Variants in ADPRHL1 observed in about 807,000 individuals in gnomAD.
ADPRHL1 encodes inactive ADP-ribosyltransferase ARH2.
A neutral mutation model predicts 44.1 loss-of-function variants in ADPRHL1; 43 were observed. The ratio of observed to expected loss-of-function variants is 0.98; its 90% CI spans 0.76 to 1.26. The LOEUF is 1.26. Among genes scored for constraint, ADPRHL1 ranks in the 50% most tolerant of loss-of-function variants. ADPRHL1 has a pLI of 0.00. For missense variants in ADPRHL1, 2,022 were observed against 2,496.9 expected (o/e 0.81, Z 4.05); for synonymous variants, 878 against 1,017.4 (o/e 0.86, Z 2.61).
rs1157229689 is a variant in ADPRHL1, at chr13:113,404,339, G to GCCCCTTTCTGGGCCTGACCCTGAA, written c.4919_4942dup (p.Val1640_Gly1647dup). On this transcript the variant is annotated inframe_insertion, in exon 8 of 8. Transcript: ENST00000612156. ...AGCCTGTTCCTGGGCCCGTTCCTGA[G>GCCCCTTTCTGGGCCTGACCCTGAA]CCCCTTTCTGGGCCTGACCCTGAAC... 11 of 1,326,508 alleles carry GCCCCTTTCTGGGCCTGACCCTGAA rather than the reference G, an allele frequency of 8.3e-6. No homozygotes were observed. Among genetic ancestry groups the GCCCCTTTCTGGGCCTGACCCTGAA allele is most frequent in the Non-Finnish European group, 6.7e-6 (7 of 1,046,548 alleles). 82.2% of individuals were successfully genotyped at this position (1,326,508 alleles called of 1,614,324 possible).
chr13:113,406,187 C>T lies in ADPRHL1; in HGVS notation c.3095G>A (p.Gly1032Glu), dbSNP rs2043807183. 2 of 1,232,060 alleles carry T rather than the reference C, an allele frequency of 1.6e-6. No individual in the cohort carries two copies. The highest frequency in any genetic ancestry group is 4.1e-5 in the South Asian group (1 of 24,322). 76.3% of individuals were successfully genotyped at this position (1,232,060 alleles called of 1,614,324 possible). ...CGTGGGGGCTCCTGTTGGGTTTCTCCCAGTCGGGGACGGCACTTGCTGGCT... is the reference window on the plus strand; with the variant it reads ...CGTGGGGGCTCCTGTTGGGTTTCTCTCAGTCGGGGACGGCACTTGCTGGCT... ...SSSQQVPSPTGRNPTGAPTSL... is the reference protein window; with the variant it reads ...SSSQQVPSPTERNPTGAPTSL... Residue 1032 changes from glycine (G) to glutamate (E), a missense_variant, in exon 8 of 8, where the codon GGG becomes GAG. Coordinates refer to ENST00000612156, the MANE Select transcript of ADPRHL1 (RefSeq NM_001394807.1).
chr13:113,417,525 G>A lies in ADPRHL1; in HGVS notation c.1061+5301C>T, dbSNP rs963950303. Among the ~76,000 whole-genome samples the A allele has an allele frequency of 2.0e-5, 3 of 151,762 alleles. No homozygotes were observed. The South Asian group carries it at 6.3e-4, about 32-fold the overall frequency. The stretch of plus-strand genomic sequence containing the variant: ...TGTCTGTCTGTCCCAGATCAGGCGC[G>A]GTCCCTGCCTTTGTCTGTCTGTCCC... On this transcript the variant is annotated intron_variant, in intron 7 of 7. Coordinates refer to ENST00000612156, the MANE Select transcript of ADPRHL1 (RefSeq NM_001394807.1).
rs562356836 is a variant in ADPRHL1, at chr13:113,401,356, C to T, written c.*2022G>A. On this transcript the variant is annotated 3_prime_UTR_variant, in exon 8 of 8. Coordinates refer to ENST00000612156, the MANE Select transcript of ADPRHL1 (RefSeq NM_001394807.1). The surrounding 1 kb of genome is among the most constrained non-coding windows in gnomAD (Gnocchi z 5.5). ...AGGGACTCTGGAGGTCCGTGTGCTT[C>T]GTGAGAGAGGGGACCCTGTCCTCCT... The T allele has an allele frequency of 3.3e-5, 5 of 152,322 alleles. No homozygotes were observed. The highest frequency in any genetic ancestry group is 1.3e-4 in the Admixed American group (2 of 15,300). 9.4% of individuals were successfully genotyped at this position (152,322 alleles called of 1,614,324 possible).
In ADPRHL1 at chr13:113,433,863, TG is replaced by T; in HGVS notation, c.383del (p.Ser128Ter). Reference sequence around the variant, plus strand: ...TGGCCTTGGTGGCCGCTCCAAACCCTGAGCCTGTGTGGAGAAGGAAGAGCTA... The same window carrying T: ...TGGCCTTGGTGGCCGCTCCAAACCCTAGCCTGTGTGGAGAAGGAAGAGCTA... ...AWHTPFNEKG[S>X]GFGAATKAMC... On this transcript the variant is annotated frameshift_variant, in exon 3 of 8. Coordinates refer to ENST00000612156, the MANE Select transcript of ADPRHL1 (RefSeq NM_001394807.1). LOFTEE classifies it high-confidence loss of function. 1 of 1,547,516 alleles carries T rather than the reference TG, an allele frequency of 6.5e-7. No individual in the cohort carries two copies. The highest frequency in any genetic ancestry group is 8.8e-7 in the Non-Finnish European group (1 of 1,141,956).
In ADPRHL1 at chr13:113,421,556, G is replaced by A. The variant is rs1013718680; in HGVS notation, c.1061+1270C>T. Among the ~76,000 whole-genome samples, 11 of 152,134 alleles carry A rather than the reference G, an allele frequency of 7.2e-5. No homozygotes were observed. In the South Asian group the frequency reaches 8.3e-4, roughly 11 times the overall value. ...TCATTTCCATCAAGGGGAGGCGGCC[G>A]GGGAGTGAGGCGCCTGGAAGTGGTT... On this transcript the variant is annotated intron_variant, in intron 7 of 7. Coordinates refer to ENST00000612156, the MANE Select transcript of ADPRHL1 (RefSeq NM_001394807.1).
chr13:113,443,003 T>C (rs1397682820), intron 2 of ADPRHL1, among the ~76,000 whole-genome samples: 2 of 152,232 alleles, frequency 1.3e-5, no homozygotes, highest in Admixed American at 6.5e-5. Context: ...TGAGACATTA[T>C]AGTTTTTATT....
chr13:113,431,325 GGAGACAGGCCGCA>G (rs2044005553), intron 3 of ADPRHL1, among the ~76,000 whole-genome samples: 1 of 152,240 alleles, frequency 6.6e-6, no homozygotes, highest in African/African-American at 2.4e-5. Flanking sequence ...CACGCCATGC[GGAGACAGGCCGCA>G]GAGACAGGCT....
intron 1 of ADPRHL1, among the ~76,000 whole-genome samples, 194 bp from the exon 2 acceptor site, chr13:113,444,783 C>T (rs948075184): frequency 2.0e-5 from 3 of 152,086 alleles, no homozygotes; most frequent in Admixed American, 6.6e-5. Context: ...CCACCACGCC[C>T]GGCTAATTTT....
chr13:113,419,014 T>TCCCTCCCTC (rs2043901052), intron 7 of ADPRHL1, among the ~76,000 whole-genome samples: 1 of 45,420 alleles, frequency 2.2e-5, no homozygotes, highest in African/African-American at 7.9e-5. Flanking sequence ...CTCCCTCCCT[T>TCCCTCCCTC]CCTTCCTTTC....
At chr13:113,435,393 G>A (rs1185128936) in intron 2 of ADPRHL1, among the ~76,000 whole-genome samples, 11 of 123,174 alleles carry the variant, frequency 8.9e-5, no homozygotes, top group African/African-American at 2.0e-4. Flanking sequence ...CCCAGGACCT[G>A]GCACCCAGGT....
chr13:113,423,665 C>T (rs1411861748), intron 6 of ADPRHL1, among the ~76,000 whole-genome samples: 1 of 152,262 alleles, frequency 6.6e-6, no homozygotes, highest in Non-Finnish European at 1.5e-5. Flanking sequence ...CTGCCACAGC[C>T]ACTCTGCTGG....
intron 6 of ADPRHL1, among the ~76,000 whole-genome samples, chr13:113,423,265 A>C (rs1481773041): frequency 2.0e-5 from 3 of 152,020 alleles, no homozygotes; most frequent in African/African-American, 4.8e-5. Context: ...TCAAAAAAAA[A>C]ACAACAAACC....
Position 113,410,275 on chromosome 13 carries a change from G to A in ADPRHL1, c.1062-2055C>T, listed in dbSNP as rs190849745. On this transcript the variant is annotated intron_variant, in intron 7 of 7. Transcript: ENST00000612156. Reference sequence around the variant, plus strand: ...TGCCGTTCGCCCCCAAACCCCGGTGGGCATCAGTGGATCAAGAGGCCTTGC... The same window carrying A: ...TGCCGTTCGCCCCCAAACCCCGGTGAGCATCAGTGGATCAAGAGGCCTTGC... 3.3e-5 allele frequency among the ~76,000 whole-genome samples: 5 copies of A among 152,272 alleles called. No individual in the cohort carries two copies. The East Asian group carries it at 9.7e-4, about 29-fold the overall frequency.
chr13:113,404,836 C>A lies in ADPRHL1; in HGVS notation c.4446G>T (p.Pro1482=). The part of the protein sequence containing the change: ...PPGEPEGPGS[P]AAQGQAQKQV... ...GTTTCTGGGCCTGTCCTTGGGCTGC[C>A]GGGCTTCCCGGCCCCTCGGGCTCCC... The change falls in exon 8 of 8, where the codon CCG becomes CCT. Residue 1482 remains proline, a synonymous_variant. Coordinates refer to ENST00000612156, the MANE Select transcript of ADPRHL1 (RefSeq NM_001394807.1). The A allele has an allele frequency of 8.0e-7, 1 of 1,248,226 alleles. No homozygotes were observed. Among genetic ancestry groups the A allele is most frequent in the South Asian group, 3.6e-5 (1 of 27,440 alleles). 77.3% of individuals were successfully genotyped at this position (1,248,226 alleles called of 1,614,324 possible).
chr13:113,444,707 C>G, intron 1 of ADPRHL1, 118 bp from the exon 2 acceptor site: 3 of 1,278,260 alleles, frequency 2.3e-6, no homozygotes, highest in Non-Finnish European at 3.3e-6. Flanking sequence ...ACTGCAAACT[C>G]TGCCTCCCGG....
At position 113,404,583 on chromosome 13, in the gene ADPRHL1, GC is replaced by G; in HGVS notation, c.4698del (p.Gln1567ArgfsTer56). The G allele has an allele frequency of 7.7e-7, 1 of 1,290,374 alleles. No homozygotes were observed. Among genetic ancestry groups the G allele is most frequent in the Non-Finnish European group, 9.8e-7 (1 of 1,023,264 alleles). 79.9% of individuals were successfully genotyped at this position (1,290,374 alleles called of 1,614,324 possible). A position where few individuals can be genotyped will look rare whatever the true frequency, so the allele number is the denominator to read the frequency against. ...CCACCCTGAGCTGGTTCCTGTGCCTGCCCCTGGGCCTCTATCTGGGTCTGCC... is the reference window on the plus strand; with the variant it reads ...CCACCCTGAGCTGGTTCCTGTGCCTGCCCTGGGCCTCTATCTGGGTCTGCC... ...AQWQTQIEAQ[G>X]QAQEPAQGGA... is the part of the protein sequence containing the mutation. On this transcript the variant is annotated frameshift_variant, in exon 8 of 8. Transcript: ENST00000612156. LOFTEE classifies it low-confidence loss of function (END_TRUNC).
intron 1 of ADPRHL1, chr13:113,448,937 C>A: frequency 1.0e-6 from 1 of 985,358 alleles, no homozygotes. Context: ...GCTGCATACC[C>A]GAGCAATGGC....
rs1326627670 is a variant in ADPRHL1 at position 113,407,263 on chromosome 13, C to A, written c.2019G>T (p.Gly673=). 8.1e-7 allele frequency: 1 copy of A among 1,232,100 alleles called. No individual in the cohort carries two copies. The highest frequency in any genetic ancestry group is 1.5e-5 in the African/African-American group (1 of 64,552). 76.3% of individuals were successfully genotyped at this position (1,232,100 alleles called of 1,614,324 possible). Residue 673 remains glycine, a synonymous_variant, in exon 8 of 8, where the codon GGG becomes GGT. Transcript: ENST00000612156. ...GPSGNKAVGK[G]PLEEEPQRQP... is the part of the protein sequence containing the mutation. ...GTCTTTGGGGCTCCTCCTCCAGGGGCCCCTTTCCCACTGCTTTGTTCCCAC... is the reference window on the plus strand; with the variant it reads ...GTCTTTGGGGCTCCTCCTCCAGGGGACCCTTTCCCACTGCTTTGTTCCCAC...
At chr13:113,419,579 C>T (rs2043905482) in intron 7 of ADPRHL1, among the ~76,000 whole-genome samples, 1 of 152,020 alleles carries the variant, frequency 6.6e-6, no homozygotes, top group Admixed American at 6.6e-5. Flanking sequence ...GAGACTAAGT[C>T]CTTTTCAGAA....
Sources: gnomAD v4.1 joint callset for allele counts (sites outside exome capture counted in the v4.1 genomes callset) on GRCh38, gnomAD v4.1.1 for gene constraint, Gnocchi (gnomAD v3.1) non-coding constraint, MANE v1.5 for transcripts, NCBI Gene and HGNC (gene_info 2026-07-23, HGNC 2026-07-21) for gene names.